RABGAP1L: variants seen among roughly 807,000 people sequenced by gnomAD.
The protein encoded by RABGAP1L is rab GTPase-activating protein 1-like.
Under a neutral mutation model 137.7 loss-of-function variants are expected in RABGAP1L, and 63 were observed. The ratio of observed to expected loss-of-function variants is 0.46; its 90% confidence interval spans 0.37 to 0.56. RABGAP1L has a LOEUF of 0.56. Among genes scored for constraint, RABGAP1L ranks in the 20% least tolerant of loss-of-function variants. The pLI is 0.00. For synonymous variants in RABGAP1L, 431 were observed against 433.7 expected (o/e 0.99, Z 0.08); for missense variants, 1,095 against 1,244.0 (o/e 0.88, Z 1.80).
At chr1:174,664,775 T>C (rs1051235208) in intron 14 of RABGAP1L, among the ~76,000 whole-genome samples, 5 of 146,938 alleles carry the variant, frequency 3.4e-5, no homozygotes, top group African/African-American at 1.3e-4. Context: ...TTCACTCTTG[T>C]TGCCCAGGCT....
chr1:174,596,750 A>G (rs4651103), intron 13 of RABGAP1L, among the ~76,000 whole-genome samples: 31,918 of 152,124 alleles, frequency 0.21, 3,686 homozygotes, highest in Admixed American at 0.25. Context: ...TTCCAGGACT[A>G]TGTTGAATAA....
rs144484959 is a variant in RABGAP1L, at chr1:174,643,546, T to C, written c.1824+6058T>C. On this transcript the variant is annotated intron_variant, in intron 14 of 25. Coordinates refer to ENST00000681986, the MANE Select transcript of RABGAP1L (RefSeq NM_001366446.1). The stretch of plus-strand genomic sequence containing the variant: ...CGGAACAGTGAATTCTTTCAGGTCT[T>C]ATAAGAAAGACTTGGAGAACCATCC... Among the ~76,000 whole-genome samples the C allele has an allele frequency of 6.7e-3, 1,016 of 152,292 alleles. 8 individuals are homozygous for C. Among genetic ancestry groups the C allele is most frequent in the Middle Eastern group, 0.01 (3 of 294 alleles).
At chr1:174,935,412 A>G (rs527718735) in intron 19 of RABGAP1L, 1 of 152,224 alleles carries the variant, frequency 6.6e-6, no homozygotes, top group Non-Finnish European at 1.5e-5. Flanking sequence ...TACAAAGCCT[A>G]GGAGATGAAG....
intron 19 of RABGAP1L, among the ~76,000 whole-genome samples, chr1:174,930,709 T>C (rs1351656350): frequency 6.6e-6 from 1 of 152,218 alleles, no homozygotes; most frequent in Non-Finnish European, 1.5e-5. Context: ...TTCAGTAACC[T>C]TCAGCCTCAT....
rs568087028 is a variant in RABGAP1L at position 174,567,057 on chromosome 1, G to A, written c.1711-70318G>A. Among the ~76,000 whole-genome samples, 90 of 152,042 alleles carry A rather than the reference G, an allele frequency of 5.9e-4. 1 individual carries two copies. The highest frequency in any genetic ancestry group is 1.5e-3 in the South Asian group (7 of 4,824). On this transcript the variant is annotated intron_variant, in intron 13 of 25. Coordinates refer to ENST00000681986, the MANE Select transcript of RABGAP1L (RefSeq NM_001366446.1). ...GATAAGTGTATAATTACACTGATAAGTGTATAATTCAGTGACACTAAATAT... is the reference window on the plus strand; with the variant it reads ...GATAAGTGTATAATTACACTGATAAATGTATAATTCAGTGACACTAAATAT...
intron 11 of RABGAP1L, among the ~76,000 whole-genome samples, chr1:174,306,924 G>A (rs187398049): frequency 6.6e-6 from 1 of 151,862 alleles, no homozygotes; most frequent in African/African-American, 2.4e-5. Flanking sequence ...TTTGAAAAAA[G>A]CATCTTAGAA....
At chr1:174,618,460 C>G (rs1447650546) in intron 13 of RABGAP1L, among the ~76,000 whole-genome samples, 2 of 152,180 alleles carry the variant, frequency 1.3e-5, no homozygotes, top group Non-Finnish European at 2.9e-5. Flanking sequence ...GAGGAATGAT[C>G]AGGCAGCAAC....
intron 13 of RABGAP1L, among the ~76,000 whole-genome samples, chr1:174,617,199 G>A (rs1020576054): frequency 6.6e-6 from 1 of 152,176 alleles, no homozygotes; most frequent in South Asian, 2.1e-4. Context: ...TGCTATTTAT[G>A]ATTTGGCTTT....
At position 174,637,396 on chromosome 1, in the gene RABGAP1L, A is replaced by T; in HGVS notation, c.1732A>T (p.Ile578Phe). 1 of 1,612,010 alleles carries T rather than the reference A, an allele frequency of 6.2e-7. No homozygotes were observed. Among genetic ancestry groups the T allele is most frequent in the Non-Finnish European group, 8.5e-7 (1 of 1,178,094 alleles). The change falls in exon 14 of 26, where the codon ATT becomes TTT. Residue 578 changes from isoleucine to phenylalanine, a missense_variant. By Grantham distance (21) the Ile-to-Phe change is conservative (BLOSUM62 0). This residue lies in a region of RABGAP1L where 315 missense variants were observed against 324.8 expected (regional missense o/e 0.97). Coordinates refer to ENST00000681986, the MANE Select transcript of RABGAP1L (RefSeq NM_001366446.1). ...TTAGGACTCAGCCCAGGAGAGTGTT[A>T]TTACTCGAGATATTCATCGTACATT... Reference protein sequence around the residue: ...ITKDSAQESVITRDIHRTFPA... With the variant: ...ITKDSAQESVFTRDIHRTFPA...
Position 174,275,836 on chromosome 1 carries a change from T to A in RABGAP1L, c.1057T>A (p.Ser353Thr). The change falls in exon 9 of 26, where the codon TCC becomes ACC. Residue 353 changes from serine (S) to threonine (T), a missense_variant. This residue lies in a region of RABGAP1L where 112 missense variants were observed against 157.3 expected (regional missense o/e 0.71). Coordinates refer to ENST00000681986, the MANE Select transcript of RABGAP1L (RefSeq NM_001366446.1). ...ATTACTGTTTGAATTTTTATAGGAATCCATGGGAAAGAGCTATGATGGGAG... is the reference window on the plus strand; with the variant it reads ...ATTACTGTTTGAATTTTTATAGGAAACCATGGGAAAGAGCTATGATGGGAG... ...NSDMHLLDME[S>T]MGKSYDGRAY... 2 of 1,607,286 alleles carry A rather than the reference T, an allele frequency of 1.2e-6. No individual in the cohort carries two copies. The highest frequency in any genetic ancestry group is 1.7e-6 in the Non-Finnish European group (2 of 1,176,320).
chr1:174,908,932 G>A (rs1157546568), intron 19 of RABGAP1L, among the ~76,000 whole-genome samples: 1 of 150,848 alleles, frequency 6.6e-6, no homozygotes, highest in Non-Finnish European at 1.5e-5. Context: ...CCAGCACTTT[G>A]GGAGGCCGAG....
intron 13 of RABGAP1L, among the ~76,000 whole-genome samples, chr1:174,530,811 ATACATACATACATACATACATACATACG>A (rs1046138586): frequency 1.9e-4 from 25 of 132,296 alleles, no homozygotes; most frequent in African/African-American, 6.0e-4. Context: ...ACATACATAC[ATACATACATACATACATACATACATACG>A]TACGTTTGTG....
At chr1:174,637,567 CT>C in intron 14 of RABGAP1L, 79 bp downstream of exon 14, 9 of 1,020,182 alleles carry the variant, frequency 8.8e-6, no homozygotes, top group Non-Finnish European at 1.4e-5. Flanking sequence ...TTTTTTTACT[CT>C]GTCTTCATTT....
At chr1:174,826,308 G>A (rs543829756) in intron 19 of RABGAP1L, among the ~76,000 whole-genome samples, 5 of 151,922 alleles carry the variant, frequency 3.3e-5, no homozygotes, top group Non-Finnish European at 5.9e-5. Flanking sequence ...CTTCCCTCAC[G>A]CCTCTCGGGT....
chr1:174,952,356 A>AAG (rs561468498), intron 19 of RABGAP1L, among the ~76,000 whole-genome samples: 2,647 of 148,944 alleles, frequency 0.018, 48 homozygotes, highest in Middle Eastern at 0.067. Flanking sequence ...AAAAAAAAAA[A>AAG]AAAAAAAAGC....
intron 4 of RABGAP1L, among the ~76,000 whole-genome samples, chr1:174,232,716 G>A (rs1434040560): frequency 6.6e-6 from 1 of 150,450 alleles, no homozygotes; most frequent in Non-Finnish European, 1.5e-5. Flanking sequence ...CCAAGAGATC[G>A]TGCCACTGCG....
intron 13 of RABGAP1L, among the ~76,000 whole-genome samples, chr1:174,595,593 G>C (rs896609057): frequency 2.7e-5 from 4 of 148,844 alleles, no homozygotes; most frequent in African/African-American, 1.0e-4. Flanking sequence ...CTCAGCTGCA[G>C]GTCTGTTGGA....
At chr1:174,327,978 TACACAC>T (rs71563255) in intron 11 of RABGAP1L, among the ~76,000 whole-genome samples, 510 of 18,950 alleles carry the variant, frequency 0.027, 21 homozygotes, top group African/African-American at 0.11. Flanking sequence ...TATATATATA[TACACAC>T]ACATATATAT....
chr1:174,219,104 T>A (rs956819682), intron 1 of RABGAP1L, 21 bp from the exon 2 acceptor site: 20 of 1,483,920 alleles, frequency 1.3e-5, no homozygotes, highest in Admixed American at 2.4e-5. Context: ...TTTTTTTTTT[T>A]AATCCCTTTT....
Sources: gnomAD v4.1 joint callset for allele counts (sites outside exome capture counted in the v4.1 genomes callset) on GRCh38, gnomAD v4.1.1 for gene constraint, gnomAD v4.1.1 regional missense constraint, MANE v1.5 for transcripts, NCBI Gene and HGNC (gene_info 2026-07-23, HGNC 2026-07-21) for gene names.